The following GARNL3 variants were observed in gnomAD, a reference collection of about 807,000 sequenced individuals.
GARNL3 encodes GTPase-activating Rap/Ran-GAP domain-like protein 3.
GARNL3 carries 63 observed loss-of-function variants against 125.0 expected under a neutral mutation model. That is an observed-to-expected ratio of 0.50 (90% CI 0.41 to 0.62). The LOEUF (loss-of-function observed/expected upper bound fraction) is 0.62, where lower values mean the gene tolerates loss of function less well. GARNL3 is among the 20% of genes least tolerant of loss of function. The probability of loss-of-function intolerance (pLI) is 0.00; values close to 1 mark genes in which losing one functional copy is unlikely to be tolerated. For missense variants in GARNL3, 994 were observed against 1,244.0 expected (o/e 0.80, Z 3.02); for synonymous variants, 439 against 457.5 (o/e 0.96, Z 0.52).
intron 1 of GARNL3, among the ~76,000 whole-genome samples, chr9:127,238,735 C>T (rs566678892): frequency 6.6e-6 from 1 of 150,548 alleles, no homozygotes; most frequent in South Asian, 2.1e-4. Flanking sequence ...AAGCTTTGTT[C>T]TCTTGGTGTC....
intron 21 of GARNL3, among the ~76,000 whole-genome samples, chr9:127,358,634 T>A (rs1376474929): frequency 1.3e-5 from 2 of 152,234 alleles, no homozygotes; most frequent in Non-Finnish European, 2.9e-5. Flanking sequence ...TAGTTGTGAT[T>A]AGGAGACCTT....
chr9:127,374,357 A>G (rs918544997), intron 22 of GARNL3, among the ~76,000 whole-genome samples: 1 of 152,210 alleles, frequency 6.6e-6, no homozygotes, highest in Admixed American at 6.5e-5. Flanking sequence ...AGATTTAAAA[A>G]TTCATTCAAA....
intron 2 of GARNL3, among the ~76,000 whole-genome samples, chr9:127,303,670 A>G (rs892211568): frequency 1.3e-5 from 2 of 152,242 alleles, no homozygotes; most frequent in Non-Finnish European, 2.9e-5. Flanking sequence ...AGACTCTATG[A>G]AAAATCAAAG....
intron 20 of GARNL3, 64 bp downstream of exon 20, chr9:127,355,536 C>A: frequency 6.7e-7 from 1 of 1,490,882 alleles, no homozygotes; most frequent in Non-Finnish European, 9.3e-7. Context: ...CTCTGTCCTT[C>A]CACCCAGAGT....
At chr9:127,380,685 C>G (rs1832202724) in intron 22 of GARNL3, among the ~76,000 whole-genome samples, 1 of 152,104 alleles carries the variant, frequency 6.6e-6, no homozygotes, top group Non-Finnish European at 1.5e-5. Context: ...CACAAAAGGC[C>G]ACATGTTGCA....
rs1439657172 is a variant in GARNL3, at chr9:127,355,619, C to T, written c.1935+147C>T. ...ACCCTCATCTCTGGTGCCCTTGTTT[C>T]CCCCAGAAGACTAAAGCTAAAGCTC... On this transcript the variant is annotated intron_variant, in intron 20 of 27. Transcript: ENST00000373387. 1.1e-5 allele frequency: 8 copies of T among 736,592 alleles called. No individual in the cohort carries two copies. In the East Asian group the frequency reaches 1.7e-4, roughly 16 times the overall value. 45.6% of individuals were successfully genotyped at this position (736,592 alleles called of 1,614,324 possible). A position where few individuals can be genotyped will look rare whatever the true frequency, so the allele number is the denominator to read the frequency against.
At chr9:127,348,132 C>T (rs7029536) in intron 16 of GARNL3, among the ~76,000 whole-genome samples, 44,528 of 152,056 alleles carry the variant, frequency 0.29, 6,879 homozygotes, top group Admixed American at 0.4. Flanking sequence ...AGATGTAAGA[C>T]TTCAACTTGG....
At chr9:127,365,194 T>C (rs1831217331) in intron 21 of GARNL3, 106 bp from the exon 22 acceptor site, 1 of 896,280 alleles carries the variant, frequency 1.1e-6, no homozygotes, top group Non-Finnish European at 1.9e-6. Context: ...CTATGGCACC[T>C]GCATGACAGA....
intron 1 of GARNL3, among the ~76,000 whole-genome samples, chr9:127,290,130 A>G (rs918932394): frequency 2.0e-5 from 3 of 152,214 alleles, no homozygotes; most frequent in Non-Finnish European, 2.9e-5. Context: ...TTGTGTTATT[A>G]TGAGAATTAA....
At chr9:127,257,307 C>T (rs747159838) in intron 2 of GARNL3, among the ~76,000 whole-genome samples, 9 of 152,308 alleles carry the variant, frequency 5.9e-5, no homozygotes, top group South Asian at 4.1e-4. Flanking sequence ...GTTGCTGGGT[C>T]ACATGATAAC....
At chr9:127,318,876 A>G (rs1350361450) in intron 5 of GARNL3, among the ~76,000 whole-genome samples, 3 of 151,898 alleles carry the variant, frequency 2.0e-5, no homozygotes, top group African/African-American at 4.8e-5. Flanking sequence ...TATTATCTCC[A>G]CTCCACTTAT....
chr9:127,312,234 G>A lies in GARNL3; in HGVS notation c.319+499G>A, dbSNP rs567811210. Among the ~76,000 whole-genome samples the A allele has an allele frequency of 6.6e-5, 10 of 152,318 alleles. No homozygotes were observed. In the South Asian group the frequency reaches 1.9e-3, roughly 28 times the overall value. On this transcript the variant is annotated intron_variant, in intron 3 of 27. Coordinates refer to ENST00000373387, the MANE Select transcript of GARNL3 (RefSeq NM_032293.5). ...TATCACCTACTACATGCCAGGCAAT[G>A]TGCAGAGCAATGGGGATACAGGGGC...
At chr9:127,270,404 A>G (rs942397201) in intron 1 of GARNL3, among the ~76,000 whole-genome samples, 1 of 152,232 alleles carries the variant, frequency 6.6e-6, no homozygotes, top group Non-Finnish European at 1.5e-5. Context: ...AAGCCCTACA[A>G]GAACCTATGT....
chr9:127,267,789 G>A (rs1007655650), intron 1 of GARNL3, among the ~76,000 whole-genome samples: 1 of 152,202 alleles, frequency 6.6e-6, no homozygotes, highest in African/African-American at 2.4e-5. Context: ...TATGCCTGCT[G>A]TGATGAAAAT....
intron 2 of GARNL3, among the ~76,000 whole-genome samples, chr9:127,292,467 G>A (rs2064451591): frequency 6.6e-6 from 1 of 152,202 alleles, no homozygotes; most frequent in African/African-American, 2.4e-5. Flanking sequence ...TTGCTCTCCA[G>A]TGCTTGGAAA....
At chr9:127,387,130 GGGCCAGTGGATGCAA>G in intron 24 of GARNL3, 48 bp from the exon 25 acceptor site, 2 of 1,535,958 alleles carry the variant, frequency 1.3e-6, no homozygotes, top group South Asian at 2.4e-5. Flanking sequence ...GATGGCAGGA[GGGCCAGTGGATGCAA>G]GGCCTAGAAC....
rs71308298 is a variant in GARNL3, at chr9:127,231,050, A to ATTTTTTTTT, written c.-29+6726_-29+6734dup. Reference sequence around the variant, plus strand: ...TGTATATATACATATATATATATATATTTTTTTTTTTTTTTTTTTTTTGAG... The same window carrying ATTTTTTTTT: ...TGTATATATACATATATATATATATATTTTTTTTTTTTTTTTTTTTTTTTTTTTTTTGAG... On this transcript the variant is annotated intron_variant, in intron 1 of 10. Transcript: ENST00000439286. Among the ~76,000 whole-genome samples, 8 of 89,546 alleles carry ATTTTTTTTT rather than the reference A, an allele frequency of 8.9e-5. 1 individual carries two copies. The highest frequency in any genetic ancestry group is 5.8e-4 in the East Asian group (2 of 3,464). The allele number at this position is 89,546 out of a possible 152,430, so 58.7% of individuals were successfully genotyped here.
chr9:127,340,092 AG>A (rs1829782635), intron 13 of GARNL3, among the ~76,000 whole-genome samples: 1 of 152,146 alleles, frequency 6.6e-6, no homozygotes, highest in East Asian at 1.9e-4. Flanking sequence ...AGTGGGATGT[AG>A]GTGGGGGAAA....
chr9:127,228,055 A>C (rs554656745), intron 1 of GARNL3, among the ~76,000 whole-genome samples: 5 of 152,342 alleles, frequency 3.3e-5, no homozygotes, highest in Non-Finnish European at 4.4e-5. Context: ...TTAACTATGT[A>C]TGTGTATATT....
Sources: gnomAD v4.1 joint callset for allele counts (sites outside exome capture counted in the v4.1 genomes callset) on GRCh38, gnomAD v4.1.1 for gene constraint, MANE v1.5 for transcripts, NCBI Gene and HGNC (gene_info 2026-07-23, HGNC 2026-07-21) for gene names.